Variants in VIPR2 observed in about 807,000 individuals in gnomAD.
VIPR2 encodes vasoactive intestinal polypeptide receptor 2.
Under a neutral mutation model 58.0 loss-of-function variants are expected in VIPR2, and 48 were observed. The ratio of observed to expected loss-of-function variants is 0.83; its 90% confidence interval spans 0.66 to 1.05. The LOEUF (loss-of-function observed/expected upper bound fraction) is 1.05. Ranked by LOEUF, VIPR2 falls within the 50% of genes least tolerant of loss-of-function variation. The pLI is 0.00. For synonymous variants in VIPR2, 243 were observed against 235.2 expected (o/e 1.03, Z -0.30); for missense variants, 534 against 558.0 (o/e 0.96, Z 0.43).
At chr7:159,143,341 C>T (rs886624441) in intron 1 of VIPR2, among the ~76,000 whole-genome samples, 1 of 152,176 alleles carries the variant, frequency 6.6e-6, no homozygotes, top group Non-Finnish European at 1.5e-5. Flanking sequence ...AGGGCTCCCC[C>T]CACCCATCCT....
At chr7:159,066,544 G>C (rs549310794) in intron 4 of VIPR2, among the ~76,000 whole-genome samples, 36 of 152,386 alleles carry the variant, frequency 2.4e-4, no homozygotes, top group Admixed American at 2.3e-3. Context: ...GTGGATTCCA[G>C]GATAATTGCT....
intron 4 of VIPR2, among the ~76,000 whole-genome samples, chr7:159,101,167 C>T: frequency 7.9e-6 from 1 of 125,850 alleles, no homozygotes; most frequent in South Asian, 2.6e-4. Flanking sequence ...CGAGGCCGTT[C>T]CCCCGACTGT....
At chr7:159,048,579 G>C (rs1209759382) in intron 5 of VIPR2, among the ~76,000 whole-genome samples, 1 of 152,264 alleles carries the variant, frequency 6.6e-6, no homozygotes, top group East Asian at 1.9e-4. Context: ...AATGTAAATA[G>C]CTCATTAATA....
chr7:159,095,635 C>G lies in VIPR2; in HGVS notation c.357+8122G>C, dbSNP rs1409162363. ...GCAAAAGGACTATTAAGAGGGAGAA[C>G]AGGAGTGTCACCGGAAGCCCCAGAC... On this transcript the variant is annotated intron_variant, in intron 4 of 12. Transcript: ENST00000262178. The surrounding 1 kb of genome is among the most constrained non-coding windows in gnomAD (Gnocchi z 5.2). Among the ~76,000 whole-genome samples, 1 of 152,108 alleles carries G rather than the reference C, an allele frequency of 6.6e-6. No homozygotes were observed.
chr7:159,057,385 G>C (rs1855385419), intron 5 of VIPR2, among the ~76,000 whole-genome samples: 1 of 152,154 alleles, frequency 6.6e-6, no homozygotes, highest in African/African-American at 2.4e-5. Flanking sequence ...ATCAAAGGTA[G>C]ACTTATTCTT....
chr7:159,048,712 A>G (rs1265321619), intron 5 of VIPR2, among the ~76,000 whole-genome samples: 1 of 152,252 alleles, frequency 6.6e-6, no homozygotes, highest in Non-Finnish European at 1.5e-5. Flanking sequence ...TAGAATGCTT[A>G]CAATTATGCT....
intron 4 of VIPR2, among the ~76,000 whole-genome samples, chr7:159,101,337 G>A (rs1236148247): frequency 1.1e-4 from 14 of 122,568 alleles, no homozygotes; most frequent in Admixed American, 4.0e-4. Context: ...CGGTTCCCCT[G>A]ACTGTTCCTG....
intron 4 of VIPR2, among the ~76,000 whole-genome samples, chr7:159,067,515 A>G (rs997848055): frequency 4.6e-5 from 7 of 152,250 alleles, no homozygotes; most frequent in Admixed American, 3.3e-4. Context: ...CATGAGCTCA[A>G]TGCTTTCAGA....
intron 4 of VIPR2, among the ~76,000 whole-genome samples, chr7:159,063,492 G>A (rs1348163111): frequency 1.3e-5 from 2 of 151,918 alleles, no homozygotes; most frequent in Admixed American, 6.5e-5. Context: ...GCACAGCCCC[G>A]GTTCCCGCCC....
At chr7:159,117,478 C>T in intron 2 of VIPR2, 3 of 709,864 alleles carry the variant, frequency 4.2e-6, no homozygotes, top group South Asian at 1.5e-5. Context: ...TGCAGGACGT[C>T]ATCTCAGAGG....
intron 1 of VIPR2, among the ~76,000 whole-genome samples, chr7:159,142,934 G>A (rs925313720): frequency 4.6e-5 from 7 of 152,174 alleles, no homozygotes; most frequent in Admixed American, 1.3e-4. Context: ...CTCCGAGGAC[G>A]GCCTCCACCC....
chr7:159,101,839 G>A (rs568382657), intron 4 of VIPR2, among the ~76,000 whole-genome samples: 6 of 121,934 alleles, frequency 4.9e-5, no homozygotes, highest in South Asian at 2.9e-4. Flanking sequence ...GGTAGTGAAC[G>A]GGTCTCACGA....
chr7:159,120,059 A>G (rs943787511), intron 2 of VIPR2, among the ~76,000 whole-genome samples: 4 of 152,160 alleles, frequency 2.6e-5, no homozygotes, highest in African/African-American at 9.7e-5. Flanking sequence ...CCCTGGTGGC[A>G]TCTCCCAACG....
chr7:159,144,128 C>CT (rs149864995), intron 1 of VIPR2, among the ~76,000 whole-genome samples: 9,789 of 151,744 alleles, frequency 0.065, 450 homozygotes, highest in African/African-American at 0.13. Context: ...TTTTTCTTTC[C>CT]TTTTTTTTTA....
intron 3 of VIPR2, among the ~76,000 whole-genome samples, chr7:159,109,213 A>G (rs1585517849): frequency 6.6e-6 from 1 of 152,358 alleles, no homozygotes; most frequent in South Asian, 2.1e-4. Flanking sequence ...AAAAACAAAC[A>G]AAACCTTTCT....
intron 4 of VIPR2, among the ~76,000 whole-genome samples, chr7:159,088,828 C>T (rs555763823): frequency 6.9e-6 from 1 of 145,812 alleles, no homozygotes; most frequent in South Asian, 2.1e-4. Context: ...GGTTCCTCAT[C>T]TGGGGAATGG....
chr7:159,035,313 C>T (rs1853862031), intron 8 of VIPR2, among the ~76,000 whole-genome samples: 3 of 152,198 alleles, frequency 2.0e-5, no homozygotes, highest in South Asian at 4.1e-4. Flanking sequence ...CAAGGGGAAC[C>T]AGTCCTCAAA....
At chr7:159,123,198 C>G (rs56141655) in intron 2 of VIPR2, among the ~76,000 whole-genome samples, 14,982 of 143,086 alleles carry the variant, frequency 0.1, 802 homozygotes, top group Middle Eastern at 0.17. Context: ...GAGGCTGAGG[C>G]AGGAGAATCG....
chr7:159,034,189 G>C (rs145370979), intron 10 of VIPR2, 24 bp downstream of exon 10: 16 of 1,611,554 alleles, frequency 9.9e-6, no homozygotes, highest in Non-Finnish European at 1.3e-5. Flanking sequence ...CATCAGGGAC[G>C]GCCAGGCCGG....
Sources: gnomAD v4.1 joint callset for allele counts (sites outside exome capture counted in the v4.1 genomes callset) on GRCh38, gnomAD v4.1.1 for gene constraint, Gnocchi (gnomAD v3.1) non-coding constraint, MANE v1.5 for transcripts, NCBI Gene and HGNC (gene_info 2026-07-23, HGNC 2026-07-21) for gene names.